TRIM68: variants seen among roughly 807,000 people sequenced by gnomAD.
TRIM68 encodes E3 ubiquitin-protein ligase TRIM68.
Under a neutral mutation model 41.9 loss-of-function variants are expected in TRIM68, and 36 were observed. The observed-to-expected ratio is 0.86, with a 90% CI of 0.66 to 1.14. TRIM68 has a LOEUF of 1.14. Among genes scored for constraint, TRIM68 ranks in the 50% most tolerant of loss-of-function variants. The pLI, the probability that TRIM68 is intolerant of heterozygous loss-of-function variation, is 0.00. For synonymous variants in TRIM68, 225 were observed against 224.6 expected (o/e 1.00, Z -0.02); for missense variants, 632 against 605.1 (o/e 1.04, Z -0.47).
In TRIM68 at chr11:4,600,262, G is replaced by T; in HGVS notation, c.*14C>A. On this transcript the variant is annotated 3_prime_UTR_variant, in exon 7 of 7. Transcript: ENST00000300747. ...GCCCAATTCCAAGCCTCTCTGGTTA[G>T]GGTGGTAGCTTTCTTAGTCCTCCCC... 3.9e-6 allele frequency: 6 copies of T among 1,555,918 alleles called. No individual in the cohort carries two copies. The highest frequency in any genetic ancestry group is 1.2e-5 in the South Asian group (1 of 81,236).
Position 4,600,009 on chromosome 11 carries a change from C to G in TRIM68, c.*267G>C. ...TCCTGATCCTTACCCCAACGAGTCACCTTAGAACTGCTCTGATCCTCACCA... is the reference window on the plus strand; with the variant it reads ...TCCTGATCCTTACCCCAACGAGTCAGCTTAGAACTGCTCTGATCCTCACCA... On this transcript the variant is annotated 3_prime_UTR_variant, in exon 7 of 7. Transcript: ENST00000300747. The G allele has an allele frequency of 2.5e-6, 1 of 397,456 alleles. No individual in the cohort carries two copies. The highest frequency in any genetic ancestry group is 6.3e-5 in the South Asian group (1 of 15,858). 24.6% of individuals were successfully genotyped at this position (397,456 alleles called of 1,614,324 possible). A position where few individuals can be genotyped will look rare whatever the true frequency, so the allele number is the denominator to read the frequency against.
At position 4,600,279 on chromosome 11, in the gene TRIM68, G is replaced by C. The variant is rs773741827; in HGVS notation, c.1455C>G (p.Asp485Glu). 8.9e-6 allele frequency: 14 copies of C among 1,568,556 alleles called. No individual in the cohort carries two copies. The Admixed American group carries it at 1.6e-4, about 18-fold the overall frequency. Residue 485 changes from aspartate (D) to glutamate (E), a missense_variant, in exon 7 of 7, where the codon GAC becomes GAG. Physicochemically the swap from Asp to Glu is conservative, Grantham distance 45. Transcript: ENST00000300747. Reference protein sequence around the residue: ...PLAICSLDGED With the variant: ...PLAICSLDGEE ...TCTGGTTAGGGTGGTAGCTTTCTTA[G>C]TCCTCCCCATCCAGGGAGCAGATGG...
rs1276725315 is a variant in TRIM68, at chr11:4,605,332, G to T, written c.173C>A (p.Pro58His). The T allele has an allele frequency of 6.2e-7, 1 of 1,614,236 alleles. No homozygotes were observed. The highest frequency in any genetic ancestry group is 1.7e-5 in the Admixed American group (1 of 60,032). Residue 58 changes from proline to histidine, a missense_variant, in exon 2 of 7, where the codon CCC becomes CAC. Physicochemically the swap from Pro to His is moderately conservative, Grantham distance 77. Coordinates refer to ENST00000300747, the MANE Select transcript of TRIM68 (RefSeq NM_018073.8). ...TGGCTGGACAGGAGCTCGACAGAGG[G>T]GACAGGTGTAACCCCAGTTCTGGGA... The part of the protein sequence containing the change: ...GESQNWGYTC[P>H]LCRAPVQPRN...
chr11:4,603,330 T>C lies in TRIM68; in HGVS notation c.437A>G (p.His146Arg). 6.8e-6 allele frequency: 11 copies of C among 1,614,138 alleles called. No homozygotes were observed. Among genetic ancestry groups the C allele is most frequent in the Non-Finnish European group, 9.3e-6 (11 of 1,180,010 alleles). ...DVAWEYKWEL[H>R]EALEHLKKEQ... ...TTTCTTCAGATGTTCGAGGGCCTCATGAAGTTCCCACTGCAAGAGACAAAA... is the reference window on the plus strand; with the variant it reads ...TTTCTTCAGATGTTCGAGGGCCTCACGAAGTTCCCACTGCAAGAGACAAAA... Residue 146 changes from histidine to arginine, a missense_variant, in exon 3 of 7, where the codon CAT becomes CGT. His to Arg is a conservative substitution (Grantham distance 29, BLOSUM62 0). Transcript: ENST00000300747.
intron 2 of TRIM68, among the ~76,000 whole-genome samples, chr11:4,604,349 T>C (rs2133200519): frequency 6.6e-6 from 1 of 152,314 alleles, no homozygotes; most frequent in East Asian, 1.9e-4. Context: ...TATGGGCATC[T>C]GATGAAAGAG....
chr11:4,606,928 C>T (rs1426266206), intron 1 of TRIM68, among the ~76,000 whole-genome samples: 1 of 152,194 alleles, frequency 6.6e-6, no homozygotes, highest in Non-Finnish European at 1.5e-5. Flanking sequence ...TCACTAGACT[C>T]CCTGCCTCCT....
rs1564864509 is a variant in TRIM68, at chr11:4,600,588, C to T, written c.1146G>A (p.Lys382=). 1.2e-6 allele frequency: 2 copies of T among 1,614,152 alleles called. No homozygotes were observed. The highest frequency in any genetic ancestry group is 1.7e-6 in the Non-Finnish European group (2 of 1,180,034). The part of the protein sequence containing the change: ...LGVCKQNVDR[K]EVVYLSPHYG... ...AGTGGGGGGATAAGTAGACCACCTC[C>T]TTCCGGTCTACATTTTGCTTACATA... Residue 382 remains lysine, a synonymous_variant, in exon 7 of 7, where the codon AAG becomes AAA. Transcript: ENST00000300747.
At position 4,600,380 on chromosome 11, in the gene TRIM68, A is replaced by G. The variant is rs1846464415; in HGVS notation, c.1354T>C (p.Tyr452His). The change falls in exon 7 of 7, where the codon TAT (tyrosine) becomes CAT (histidine). Residue 452 changes from tyrosine (Y) to histidine (H), a missense_variant. Transcript: ENST00000300747. ...CGSHIFTFPR[Y>H]PFPGRLLPYF... ...GGCAGGAGGCGCCCAGGGAAGGGAT[A>G]GCGGGGGAAAGTGAAGATGTGGGAG... 1 of 1,614,104 alleles carries G rather than the reference A, an allele frequency of 6.2e-7. No individual in the cohort carries two copies. Among genetic ancestry groups the G allele is most frequent in the East Asian group, 2.2e-5 (1 of 44,876 alleles).
In TRIM68 at chr11:4,600,417, C is replaced by T; in HGVS notation, c.1317G>A (p.Val439=). 6.2e-7 allele frequency: 1 copy of T among 1,614,082 alleles called. No individual in the cohort carries two copies. Among genetic ancestry groups the T allele is most frequent in the Non-Finnish European group, 8.5e-7 (1 of 1,179,990 alleles). Residue 439 remains valine (V), a synonymous_variant, in exon 7 of 7, where the codon GTG becomes GTA. Coordinates refer to ENST00000300747, the MANE Select transcript of TRIM68 (RefSeq NM_018073.8). ...YEAHDISFYN[V]TDCGSHIFTF... The stretch of plus-strand genomic sequence containing the variant: ...TGAAGATGTGGGAGCCACAGTCAGT[C>T]ACATTGTAGAAAGAAATGTCATGGG...
Position 4,601,679 on chromosome 11 carries a change from T to G in TRIM68, c.791A>C (p.Gln264Pro). The change falls in exon 5 of 7, where the codon CAG becomes CCG. Residue 264 changes from glutamine (Q) to proline (P), a missense_variant. Coordinates refer to ENST00000300747, the MANE Select transcript of TRIM68 (RefSeq NM_018073.8). ...GAGAACATACCTGTTTAACACTTCC[T>G]GAATATCCTGGAAGGAGAAAAAAAA... is the stretch of plus-strand genomic sequence containing the variant. ...RPVRWMLQDI[Q>P]EVLNRSKSWS... The G allele has an allele frequency of 6.2e-7, 1 of 1,613,978 alleles. No individual in the cohort carries two copies. Among genetic ancestry groups the G allele is most frequent in the Non-Finnish European group, 8.5e-7 (1 of 1,179,946 alleles).
At chr11:4,601,996 T>A in intron 4 of TRIM68, 156 bp downstream of exon 4, 14 of 1,119,506 alleles carry the variant, frequency 1.3e-5, no homozygotes, top group Non-Finnish European at 1.8e-5. Flanking sequence ...CAGCCAGGGA[T>A]AGGGAAACAG....
In TRIM68 at chr11:4,603,321, A is replaced by T. The variant is rs1301182066; in HGVS notation, c.446T>A (p.Leu149His). ...TTCTTGCTCTTTCTTCAGATGTTCG[A>T]GGGCCTCATGAAGTTCCCACTGCAA... ...WEYKWELHEALEHLKKEQEEA... is the reference protein window; with the variant it reads ...WEYKWELHEAHEHLKKEQEEA... The change falls in exon 3 of 7, where the codon CTC becomes CAC. Residue 149 changes from leucine to histidine, a missense_variant. By Grantham distance (99) the Leu-to-His change is moderately conservative. Coordinates refer to ENST00000300747, the MANE Select transcript of TRIM68 (RefSeq NM_018073.8). The T allele has an allele frequency of 6.2e-7, 1 of 1,614,190 alleles. No homozygotes were observed.
chr11:4,603,168 G>T, intron 3 of TRIM68, 77 bp downstream of exon 3: 1 of 1,323,430 alleles, frequency 7.6e-7, no homozygotes, highest in Non-Finnish European at 1.1e-6. Context: ...TCACAGTGAT[G>T]AGAATGCTAC....
chr11:4,605,344 C>T lies in TRIM68; in HGVS notation c.161G>A (p.Gly54Asp). 6.2e-7 allele frequency: 1 copy of T among 1,614,240 alleles called. No individual in the cohort carries two copies. The highest frequency in any genetic ancestry group is 8.5e-7 in the Non-Finnish European group (1 of 1,180,046). ...AGCTCGACAGAGGGGACAGGTGTAA[C>T]CCCAGTTCTGGGATTCTCCTGGGAT... ...WEIPGESQNW[G>D]YTCPLCRAPV... The change falls in exon 2 of 7, where the codon GGT becomes GAT. Residue 54 changes from glycine to aspartate, a missense_variant. Coordinates refer to ENST00000300747, the MANE Select transcript of TRIM68 (RefSeq NM_018073.8).
intron 4 of TRIM68, 49 bp from the exon 5 acceptor site, chr11:4,601,735 G>A (rs377700270): frequency 6.2e-7 from 1 of 1,609,784 alleles, no homozygotes; most frequent in Non-Finnish European, 8.5e-7. Flanking sequence ...CTATTCCTCA[G>A]AGGGAACAGA....
rs778219142 is a variant in TRIM68, at chr11:4,605,325, A to G, written c.180T>C (p.Cys60=). The G allele has an allele frequency of 1.9e-6, 3 of 1,614,224 alleles. No individual in the cohort carries two copies. Among genetic ancestry groups the G allele is most frequent in the East Asian group, 2.2e-5 (1 of 44,880 alleles). The change falls in exon 2 of 7, where the codon TGT becomes TGC. Residue 60 remains cysteine (C), a synonymous_variant. Coordinates refer to ENST00000300747, the MANE Select transcript of TRIM68 (RefSeq NM_018073.8). ...SQNWGYTCPL[C]RAPVQPRNLR... ...GGTTCCTTGGCTGGACAGGAGCTCG[A>G]CAGAGGGGACAGGTGTAACCCCAGT...
At chr11:4,602,439 C>G (rs1419952807) in intron 3 of TRIM68, 27 bp from the exon 4 acceptor site, 2 of 1,609,728 alleles carry the variant, frequency 1.2e-6, no homozygotes. Context: ...GAAATCAGCA[C>G]TGATACTTTC....
chr11:4,601,583 G>T, intron 5 of TRIM68, 81 bp downstream of exon 5: 1 of 1,488,856 alleles, frequency 6.7e-7, no homozygotes, highest in Admixed American at 1.7e-5. Context: ...CCGAGTCTGT[G>T]CTCCGTCCCT....
In TRIM68 at chr11:4,599,794, G is replaced by A. The variant is rs887419289; in HGVS notation, c.*482C>T. 1 of 153,456 alleles carries A rather than the reference G, an allele frequency of 6.5e-6. No individual in the cohort carries two copies. The highest frequency in any genetic ancestry group is 2.4e-5 in the African/African-American group (1 of 41,494). 9.5% of individuals were successfully genotyped at this position (153,456 alleles called of 1,614,324 possible). ...GGTTGCTTAGTTATAGCAAACCTCA[G>A]GGGAAGCATCCTCTGACTGGCCTCA... is the stretch of plus-strand genomic sequence containing the variant. On this transcript the variant is annotated 3_prime_UTR_variant, in exon 7 of 7. Transcript: ENST00000300747.
Sources: gnomAD v4.1 joint callset for allele counts (sites outside exome capture counted in the v4.1 genomes callset) on GRCh38, gnomAD v4.1.1 for gene constraint, MANE v1.5 for transcripts, NCBI Gene and HGNC (gene_info 2026-07-23, HGNC 2026-07-21) for gene names.